The following INTS9 variants were observed in gnomAD, a reference collection of about 807,000 sequenced individuals.
INTS9 encodes the protein integrator complex subunit 9, also known as protein related to CPSF subunits of 74 kDa.
Under a neutral mutation model 79.7 loss-of-function variants are expected in INTS9, and 55 were observed. The ratio of observed to expected loss-of-function variants is 0.69; its 90% CI spans 0.56 to 0.86. INTS9 has a LOEUF of 0.86. Ranked by LOEUF, INTS9 falls within the 40% of genes least tolerant of loss-of-function variation. The probability of loss-of-function intolerance (pLI) is 0.00; values close to 1 mark genes in which losing one functional copy is unlikely to be tolerated. For missense variants in INTS9, 721 were observed against 831.5 expected (o/e 0.87, Z 1.64); for synonymous variants, 319 against 325.2 (o/e 0.98, Z 0.20).
At chr8:28,880,127 C>G (rs1809621277) in intron 1 of INTS9, among the ~76,000 whole-genome samples, 1 of 151,774 alleles carries the variant, frequency 6.6e-6, no homozygotes, top group African/African-American at 2.4e-5. Flanking sequence ...ACCCATATTT[C>G]CACATGCTGG....
intron 1 of INTS9, among the ~76,000 whole-genome samples, chr8:28,871,170 C>A (rs943816378): frequency 1.3e-5 from 2 of 152,162 alleles, no homozygotes; most frequent in African/African-American, 4.8e-5. Flanking sequence ...CCGTTTGTCT[C>A]TACCATTTGG....
chr8:28,884,643 T>C (rs1051955523), intron 1 of INTS9, among the ~76,000 whole-genome samples: 3 of 152,180 alleles, frequency 2.0e-5, no homozygotes, highest in African/African-American at 7.2e-5. Flanking sequence ...TTTTCAGAGT[T>C]TGAGGAAATC....
At chr8:28,870,739 A>T (rs1364792754) in intron 1 of INTS9, among the ~76,000 whole-genome samples, 3 of 152,198 alleles carry the variant, frequency 2.0e-5, no homozygotes, top group African/African-American at 7.2e-5. Context: ...TTGTGAAGAC[A>T]ATCAGGAAGG....
chr8:28,810,088 T>A (rs1177588750), intron 8 of INTS9: 3 of 152,264 alleles, frequency 2.0e-5, no homozygotes, highest in African/African-American at 7.2e-5. Context: ...CTTTCTTTAC[T>A]GATAGTGCTC....
At chr8:28,816,939 G>A (rs563992519) in intron 6 of INTS9, among the ~76,000 whole-genome samples, 3 of 150,890 alleles carry the variant, frequency 2.0e-5, no homozygotes, top group South Asian at 2.1e-4. Flanking sequence ...TTTTTTGGCT[G>A]CATAAATGTC....
Position 28,889,873 on chromosome 8 carries a change from C to T in INTS9, c.9+1G>A, listed in dbSNP as rs748559899. On this transcript the variant is annotated splice_donor_variant, in intron 1 of 16. Coordinates refer to ENST00000521022, the MANE Select transcript of INTS9 (RefSeq NM_018250.4). LOFTEE classifies it high-confidence loss of function. ...CCTCTGACCTAGGAGCGAAGACTCA[C>T]CAGTTTCATAATGGACTTTTGGTGG... The T allele has an allele frequency of 1.9e-6, 3 of 1,613,914 alleles. No individual in the cohort carries two copies. The highest frequency in any genetic ancestry group is 2.5e-6 in the Non-Finnish European group (3 of 1,179,850).
chr8:28,787,918 G>A (rs780211763), intron 10 of INTS9, 29 bp from the exon 11 acceptor site: 5 of 1,536,190 alleles, frequency 3.3e-6, no homozygotes, highest in Non-Finnish European at 4.5e-6. Flanking sequence ...ACATCAGCAT[G>A]TGAGGAAGAG....
chr8:28,877,382 T>C (rs778422524), intron 1 of INTS9, among the ~76,000 whole-genome samples: 66 of 152,148 alleles, frequency 4.3e-4, no homozygotes, highest in Non-Finnish European at 1.2e-4. Context: ...TGACATAATA[T>C]TTTTTCACTT....
chr8:28,774,550 A>G (rs1480624155), intron 14 of INTS9, among the ~76,000 whole-genome samples: 1 of 152,210 alleles, frequency 6.6e-6, no homozygotes, highest in Non-Finnish European at 1.5e-5. Context: ...TAACAAAATG[A>G]TAAAAACATA....
chr8:28,849,384 C>A (rs1807699902), intron 3 of INTS9, among the ~76,000 whole-genome samples: 1 of 151,802 alleles, frequency 6.6e-6, no homozygotes, highest in Non-Finnish European at 1.5e-5. Context: ...AACCTAATGT[C>A]AAAAATTTAA....
chr8:28,818,038 AAGG>A, intron 6 of INTS9, among the ~76,000 whole-genome samples: 1 of 147,018 alleles, frequency 6.8e-6, no homozygotes, highest in South Asian at 2.2e-4. Flanking sequence ...TTATCAGCTT[AAGG>A]AGATTTTGGG....
At chr8:28,872,973 G>T (rs1462023048) in intron 1 of INTS9, among the ~76,000 whole-genome samples, 2 of 151,626 alleles carry the variant, frequency 1.3e-5, no homozygotes, top group Non-Finnish European at 2.9e-5. Flanking sequence ...GAGATTACAG[G>T]TGATTTTTTT....
intron 8 of INTS9, among the ~76,000 whole-genome samples, chr8:28,802,425 C>T (rs1231935203): frequency 5.3e-5 from 8 of 152,194 alleles, no homozygotes; most frequent in Non-Finnish European, 1.2e-4. Context: ...ATAATCTCTC[C>T]TCTCCTTCTC....
At chr8:28,816,029 T>A (rs957879756) in intron 6 of INTS9, among the ~76,000 whole-genome samples, 1 of 152,034 alleles carries the variant, frequency 6.6e-6, no homozygotes, top group Non-Finnish European at 1.5e-5. Flanking sequence ...TCAGTGTTTT[T>A]AATAGCAATG....
intron 11 of INTS9, among the ~76,000 whole-genome samples, chr8:28,782,885 C>G (rs529703989): frequency 1.1e-4 from 16 of 152,112 alleles, no homozygotes; most frequent in South Asian, 2.1e-4. Context: ...CATACACACA[C>G]AAAAAAACCC....
intron 8 of INTS9, among the ~76,000 whole-genome samples, chr8:28,808,378 A>C (rs139878730): frequency 2.9e-4 from 44 of 152,112 alleles, no homozygotes; most frequent in African/African-American, 1.0e-3. Context: ...TTTTTAGTAG[A>C]GATGGGGTTT....
intron 6 of INTS9, among the ~76,000 whole-genome samples, chr8:28,827,975 TC>T (rs1262408052): frequency 1.3e-5 from 2 of 152,080 alleles, no homozygotes; most frequent in Non-Finnish European, 2.9e-5. Context: ...CATGAATCAG[TC>T]CCTCAGAGGC....
chr8:28,772,729 C>G (rs1379473926), intron 14 of INTS9, among the ~76,000 whole-genome samples: 1 of 151,910 alleles, frequency 6.6e-6, no homozygotes, highest in Non-Finnish European at 1.5e-5. Flanking sequence ...ATGGCGTGAA[C>G]TCAGGAGGTG....
At chr8:28,879,584 AAG>A (rs1439551163) in intron 1 of INTS9, among the ~76,000 whole-genome samples, 2 of 152,336 alleles carry the variant, frequency 1.3e-5, no homozygotes, top group Non-Finnish European at 2.9e-5. Context: ...ATGCAAGAAA[AAG>A]AAGTGAAAAC....
Sources: allele counts gnomAD v4.1 joint callset (sites outside exome capture counted in the v4.1 genomes callset), GRCh38; gene constraint gnomAD v4.1.1; transcripts MANE v1.5; gene names NCBI Gene and HGNC (gene_info 2026-07-23, HGNC 2026-07-21).